The following PTPRD variants were observed in gnomAD, a reference collection of about 807,000 sequenced individuals.
PTPRD encodes protein tyrosine phosphatase receptor type D.
A neutral mutation model predicts 214.5 loss-of-function variants in PTPRD; 34 were observed. That is an observed-to-expected ratio of 0.16 (90% CI 0.12 to 0.21). The LOEUF is 0.21. PTPRD is among the 10% of genes least tolerant of loss of function. PTPRD has a pLI of 1.00. For missense variants in PTPRD, 2,545 were observed against 2,398.7 expected (o/e 1.06, Z -1.27); for synonymous variants, 1,128 against 845.7 (o/e 1.33, Z -5.79).
At chr9:9,635,573 G>A (rs1049329005) in intron 7 of PTPRD, among the ~76,000 whole-genome samples, 1 of 152,098 alleles carries the variant, frequency 6.6e-6, no homozygotes, top group Admixed American at 6.6e-5. Context: ...TCAGATTTTG[G>A]AACCATTGAC....
At chr9:9,369,227 A>T (rs1213876871) in intron 9 of PTPRD, among the ~76,000 whole-genome samples, 3 of 152,092 alleles carry the variant, frequency 2.0e-5, no homozygotes, top group Non-Finnish European at 4.4e-5. Flanking sequence ...TCCCACCAAC[A>T]GTGTAAAAGT....
chr9:9,371,686 T>C (rs7872768), intron 9 of PTPRD, among the ~76,000 whole-genome samples: 30,039 of 152,046 alleles, frequency 0.2, 3,383 homozygotes, highest in East Asian at 0.34. Flanking sequence ...GCTTCTCTAG[T>C]TCTTTTAATT....
At chr9:9,760,684 C>G (rs552633788) in intron 6 of PTPRD, among the ~76,000 whole-genome samples, 1 of 149,464 alleles carries the variant, frequency 6.7e-6, no homozygotes, top group African/African-American at 2.5e-5. Context: ...ACTGTTCATA[C>G]GTGTACTCAA....
In PTPRD at chr9:9,714,124, G is replaced by A. The variant is rs78683959; in HGVS notation, c.-287+20409C>T. On this transcript the variant is annotated intron_variant, in intron 7 of 45. Transcript: ENST00000381196. Reference sequence around the variant, plus strand: ...AAAAAAAAAAAATTTGAATACAAGGGACACTGATTTCCTTCACTAAAGCTT... The same window carrying A: ...AAAAAAAAAAAATTTGAATACAAGGAACACTGATTTCCTTCACTAAAGCTT... Among the ~76,000 whole-genome samples, 967 of 150,918 alleles carry A rather than the reference G, an allele frequency of 6.4e-3. 8 individuals carry two copies. Among genetic ancestry groups the A allele is most frequent in the African/African-American group, 0.022 (912 of 41,148 alleles).
intron 37 of PTPRD, among the ~76,000 whole-genome samples, chr9:8,377,005 G>A (rs1341068328): frequency 6.6e-6 from 1 of 152,038 alleles, no homozygotes; most frequent in Non-Finnish European, 1.5e-5. Flanking sequence ...ACAGAGAGAG[G>A]GATTTGAAAC....
At chr9:8,729,910 T>C (rs1036584964) in intron 12 of PTPRD, among the ~76,000 whole-genome samples, 2 of 152,238 alleles carry the variant, frequency 1.3e-5, no homozygotes, top group African/African-American at 4.8e-5. Context: ...TACAGTGATA[T>C]AATACCAAAG....
intron 30 of PTPRD, among the ~76,000 whole-genome samples, chr9:8,475,277 C>A (rs561352271): frequency 6.6e-6 from 1 of 152,162 alleles, no homozygotes. Context: ...TCTTAGCAGA[C>A]CTTTTAAGAT....
chr9:8,534,136 C>T (rs1055899779), intron 14 of PTPRD, among the ~76,000 whole-genome samples: 9 of 151,968 alleles, frequency 5.9e-5, no homozygotes, highest in South Asian at 2.1e-4. Context: ...TAATTTATCA[C>T]GGTTGCTATG....
At chr9:9,276,742 T>C (rs1187670337) in intron 9 of PTPRD, among the ~76,000 whole-genome samples, 1 of 151,416 alleles carries the variant, frequency 6.6e-6, no homozygotes, top group Non-Finnish European at 1.5e-5. Context: ...CCTAATTTCT[T>C]TAGGGCATGT....
chr9:9,185,984 A>G (rs1569560023), intron 9 of PTPRD, among the ~76,000 whole-genome samples: 1 of 151,946 alleles, frequency 6.6e-6, no homozygotes, highest in Non-Finnish European at 1.5e-5. Flanking sequence ...ACTATTTAAC[A>G]TCAGTGAGAA....
intron 14 of PTPRD, among the ~76,000 whole-genome samples, chr9:8,534,924 T>C (rs553425877): frequency 2.6e-5 from 4 of 152,070 alleles, no homozygotes; most frequent in African/African-American, 9.6e-5. Flanking sequence ...ACCTACCGGA[T>C]AGTCAACAGA....
intron 5 of PTPRD, among the ~76,000 whole-genome samples, chr9:9,904,919 C>G (rs1427231658): frequency 6.6e-6 from 1 of 152,038 alleles, no homozygotes; most frequent in Non-Finnish European, 1.5e-5. Flanking sequence ...TGCCTTTAAT[C>G]TGTCCCATAT....
rs558936591 is a variant in PTPRD, at chr9:9,137,080, C to G, written c.-143+46224G>C. Among the ~76,000 whole-genome samples, 55 of 152,218 alleles carry G rather than the reference C, an allele frequency of 3.6e-4. 1 individual carries two copies. Among genetic ancestry groups the G allele is most frequent in the African/African-American group, 1.3e-3 (55 of 41,556 alleles). On this transcript the variant is annotated intron_variant, in intron 10 of 45. Transcript: ENST00000381196. Reference sequence around the variant, plus strand: ...CCCACTTTACATGATTTCACTTGCTCAAGATGTAATTTATTGCTAATGGAA... The same window carrying G: ...CCCACTTTACATGATTTCACTTGCTGAAGATGTAATTTATTGCTAATGGAA...
At chr9:10,096,354 G>C (rs1028113124) in intron 3 of PTPRD, among the ~76,000 whole-genome samples, 1 of 151,564 alleles carries the variant, frequency 6.6e-6, no homozygotes, top group East Asian at 2.0e-4. Context: ...CTGGCTGACA[G>C]AAACTGTTTA....
intron 11 of PTPRD, among the ~76,000 whole-genome samples, chr9:8,814,183 T>C (rs145042992): frequency 6.6e-6 from 1 of 152,252 alleles, no homozygotes; most frequent in African/African-American, 2.4e-5. Flanking sequence ...AGCCTAGGGA[T>C]GCCATCCTGA....
intron 8 of PTPRD, among the ~76,000 whole-genome samples, chr9:9,455,644 T>A (rs944699885): frequency 6.6e-6 from 1 of 151,658 alleles, no homozygotes; most frequent in African/African-American, 2.4e-5. Context: ...AGTAACTGAA[T>A]CAGAAATTTG....
intron 9 of PTPRD, among the ~76,000 whole-genome samples, chr9:9,233,640 C>T (rs1483883214): frequency 6.6e-6 from 1 of 152,162 alleles, no homozygotes; most frequent in Non-Finnish European, 1.5e-5. Flanking sequence ...TTCCTATATA[C>T]AATTAGGGTA....
chr9:9,448,940 A>AAATGT (rs2091323947), intron 8 of PTPRD, among the ~76,000 whole-genome samples: 1 of 152,074 alleles, frequency 6.6e-6, no homozygotes, highest in Non-Finnish European at 1.5e-5. Context: ...TGTATCTAAA[A>AAATGT]AATGTTAGTT....
intron 3 of PTPRD, among the ~76,000 whole-genome samples, chr9:10,339,331 G>A (rs985526977): frequency 6.6e-6 from 1 of 151,698 alleles, no homozygotes; most frequent in African/African-American, 2.4e-5. Context: ...CAATCAAAAT[G>A]CTTTAGCATA....
Sources: allele counts gnomAD v4.1 joint callset (sites outside exome capture counted in the v4.1 genomes callset), GRCh38; gene constraint gnomAD v4.1.1; transcripts MANE v1.5; gene names NCBI Gene and HGNC (gene_info 2026-07-23, HGNC 2026-07-21).